GYG2: variants seen among roughly 807,000 people sequenced by gnomAD.
GYG2 encodes glycogenin-2.
A neutral mutation model predicts 29.4 loss-of-function variants in GYG2; 29 were observed. The ratio of observed to expected loss-of-function variants is 0.99; its 90% confidence interval spans 0.74 to 1.35. The LOEUF (loss-of-function observed/expected upper bound fraction) is 1.35. GYG2 is among the 40% of genes most tolerant of loss of function. GYG2 has a pLI of 0.00. For synonymous variants in GYG2, 167 were observed against 172.3 expected (o/e 0.97, Z 0.24); for missense variants, 370 against 385.7 (o/e 0.96, Z 0.34).
intron 8 of GYG2, among the ~76,000 whole-genome samples, chrX:2,864,836 C>T (rs373134642): frequency 2.0e-4 from 22 of 109,176 alleles, no homozygotes; most frequent in African/African-American, 6.7e-4. Flanking sequence ...CTCAGCAGCT[C>T]ACTGCAACCT....
intron 8 of GYG2, among the ~76,000 whole-genome samples, chrX:2,875,376 C>G (rs748359341): frequency 3.9e-4 from 44 of 111,445 alleles, no homozygotes; most frequent in Non-Finnish European, 7.5e-5. Flanking sequence ...GATTTGTTCT[C>G]TGTTTGGTTT....
Position 2,882,753 on chromosome X carries a change from C to T in GYG2, c.*1540C>T, listed in dbSNP as rs1438200536. ...GAGTCCAGTCTGGAATTCCGCCGTG[C>T]ATTCTAGCCTGTATCATCTCATTTG... On this transcript the variant is annotated 3_prime_UTR_variant, in exon 11 of 11. Transcript: ENST00000398806. 1 of 109,740 alleles carries T rather than the reference C, an allele frequency of 9.1e-6. No individual in the cohort carries two copies. Among genetic ancestry groups the T allele is most frequent in the Non-Finnish European group, 1.9e-5 (1 of 52,692 alleles). 9.0% of individuals were successfully genotyped at this position (109,740 alleles called of 1,213,427 possible). A position where few individuals can be genotyped will look rare whatever the true frequency, so the allele number is the denominator to read the frequency against.
rs988884276 is a variant in GYG2, at chrX:2,881,138, G to A, written c.1338G>A (p.Glu446=). 5.0e-6 allele frequency: 6 copies of A among 1,205,686 alleles called. No individual in the cohort carries two copies. Among genetic ancestry groups the A allele is most frequent in the Non-Finnish European group, 6.7e-6 (6 of 892,677 alleles). Residue 446 remains glutamate, a synonymous_variant, in exon 11 of 11, where the codon GAG becomes GAA. Coordinates refer to ENST00000398806, the MANE Select transcript of GYG2 (RefSeq NM_001079855.2). ...CCGAGGAAGAGAGGAGGAAGTGGGA[G>A]GAAGGCCGTATCGACTACATGGGGA... ...LSPEEERRKW[E]EGRIDYMGKD...
intron 2 of GYG2, among the ~76,000 whole-genome samples, chrX:2,839,912 T>C (rs2087457554): frequency 1.8e-5 from 2 of 112,250 alleles, no homozygotes; most frequent in Non-Finnish European, 3.8e-5. Context: ...GACTGCGTAA[T>C]GGGTACAGGG....
intron 7 of GYG2, 34 bp downstream of exon 7, chrX:2,860,099 A>G (rs768493526): frequency 1.1e-6 from 1 of 933,959 alleles, no homozygotes; most frequent in Non-Finnish European, 1.5e-6. Flanking sequence ...CCCGTAGCTG[A>G]GGACGAGGAG....
chrX:2,832,637 C>T (rs1014881346), intron 2 of GYG2, among the ~76,000 whole-genome samples: 12 of 111,495 alleles, frequency 1.1e-4, no homozygotes, highest in African/African-American at 1.6e-4. Flanking sequence ...TGGGTTCAAG[C>T]GATTCTCCTG....
chrX:2,869,369 A>C (rs1176254324), intron 8 of GYG2, among the ~76,000 whole-genome samples: 2 of 110,857 alleles, frequency 1.8e-5, no homozygotes, highest in African/African-American at 6.6e-5. Flanking sequence ...AGGTCCTGGA[A>C]CCAATCCTCC....
intron 3 of GYG2, among the ~76,000 whole-genome samples, chrX:2,849,399 A>G (rs1569060563): frequency 1.8e-5 from 2 of 112,058 alleles, no homozygotes; most frequent in Non-Finnish European, 3.8e-5. Flanking sequence ...GCTAAGAGAT[A>G]GAAAAGGTCC....
intron 4 of GYG2, 45 bp downstream of exon 4, chrX:2,854,199 A>T: frequency 1.0e-6 from 1 of 956,162 alleles, no homozygotes; most frequent in South Asian, 2.2e-5. Flanking sequence ...CCAAGACCAC[A>T]TCTCTATCCT....
chrX:2,877,759 A>T (rs1183769155), intron 10 of GYG2: 1 of 750,900 alleles, frequency 1.3e-6, no homozygotes, highest in Non-Finnish European at 1.6e-6. Flanking sequence ...CCTCTTAGAG[A>T]TGTTTTCATC....
At chrX:2,850,576 T>C (rs183642063) in intron 3 of GYG2, among the ~76,000 whole-genome samples, 2,296 of 111,256 alleles carry the variant, frequency 0.021, 50 homozygotes, top group African/African-American at 0.07. Context: ...GTGACCTGCA[T>C]GTACACATCC....
intron 2 of GYG2, among the ~76,000 whole-genome samples, chrX:2,833,606 C>T (rs1446343918): frequency 9.0e-6 from 1 of 111,700 alleles, no homozygotes; most frequent in Non-Finnish European, 1.9e-5. Flanking sequence ...TTTGCCAGTT[C>T]GCATAGTTGT....
chrX:2,877,918 T>C, intron 10 of GYG2: 2 of 748,231 alleles, frequency 2.7e-6, no homozygotes, highest in Non-Finnish European at 3.2e-6. Flanking sequence ...GACTGAAAGT[T>C]GGTATTGAAC....
At chrX:2,835,972 A>T (rs1347704784) in intron 2 of GYG2, among the ~76,000 whole-genome samples, 1 of 110,483 alleles carries the variant, frequency 9.1e-6, no homozygotes, top group Non-Finnish European at 1.9e-5. Flanking sequence ...GGTTTGCAGG[A>T]AGATCTCTGA....
chrX:2,851,977 A>G (rs1414175721), intron 3 of GYG2, among the ~76,000 whole-genome samples: 1 of 112,128 alleles, frequency 8.9e-6, no homozygotes, highest in Non-Finnish European at 1.9e-5. Context: ...ATATTAGGTC[A>G]GGCGTGGTGG....
At chrX:2,844,906 A>C (rs1159205383) in intron 3 of GYG2, among the ~76,000 whole-genome samples, 2 of 106,707 alleles carry the variant, frequency 1.9e-5, no homozygotes, top group Non-Finnish European at 3.9e-5. Context: ...ATTTATATAC[A>C]TGTATGTATA....
At chrX:2,854,824 C>T (rs745598914) in intron 4 of GYG2, among the ~76,000 whole-genome samples, 169 bp from the exon 5 acceptor site, 10 of 111,989 alleles carry the variant, frequency 8.9e-5, no homozygotes, top group Non-Finnish European at 1.3e-4. Context: ...CCCAGCTACT[C>T]AAGAGGCTGA....
At chrX:2,873,262 C>G (rs1395893882) in intron 8 of GYG2, among the ~76,000 whole-genome samples, 1 of 111,972 alleles carries the variant, frequency 8.9e-6, no homozygotes, top group African/African-American at 3.2e-5. Context: ...TGTGTTACAC[C>G]ATAATTCTTA....
rs1195172349 is a variant in GYG2, at chrX:2,879,399, C to T, written c.1252-1653C>T. 5.5e-5 allele frequency among the ~76,000 whole-genome samples: 6 copies of T among 109,345 alleles called. No homozygotes were observed. The East Asian group carries it at 1.7e-3, about 31-fold the overall frequency. 95.0% of individuals were successfully genotyped at this position (109,345 alleles called of 115,157 possible). ...TCTCCTGACTCAGCCTCCCGGGTAG[C>T]TGGGACTACAGTCACCCACGACCAA... On this transcript the variant is annotated intron_variant, in intron 10 of 10. Transcript: ENST00000398806.
Sources: allele counts gnomAD v4.1 joint callset (sites outside exome capture counted in the v4.1 genomes callset), GRCh38; gene constraint gnomAD v4.1.1; transcripts MANE v1.5; gene names NCBI Gene and HGNC (gene_info 2026-07-23, HGNC 2026-07-21).